The following RGL1 variants were observed in gnomAD, a reference collection of about 807,000 sequenced individuals.
RGL1 encodes ral guanine nucleotide dissociation stimulator like 1.
RGL1 carries 24 observed loss-of-function variants against 95.2 expected under a neutral mutation model. The observed-to-expected ratio is 0.25, with a 90% CI of 0.18 to 0.35. The LOEUF (loss-of-function observed/expected upper bound fraction) is 0.35, where lower values mean the gene tolerates loss of function less well. Ranked by LOEUF, RGL1 falls within the 10% of genes least tolerant of loss-of-function variation. RGL1 has a pLI of 1.00. For synonymous variants in RGL1, 329 were observed against 344.9 expected (o/e 0.95, Z 0.51); for missense variants, 715 against 936.3 (o/e 0.76, Z 3.08).
chr1:183,891,934 G>A, intron 8 of RGL1, 143 bp from the exon 9 acceptor site: 2 of 557,870 alleles, frequency 3.6e-6, no homozygotes, highest in Non-Finnish European at 3.2e-6. Flanking sequence ...AAAATCATGG[G>A]CCTTATCTGT....
intron 1 of RGL1, among the ~76,000 whole-genome samples, chr1:183,684,802 C>T (rs1324326713): frequency 1.3e-5 from 2 of 152,184 alleles, no homozygotes; most frequent in African/African-American, 4.8e-5. Context: ...CACTGTCCCT[C>T]ATGGCACAGT....
chr1:183,915,605 T>C (rs892358455), intron 15 of RGL1, among the ~76,000 whole-genome samples: 3 of 152,270 alleles, frequency 2.0e-5, no homozygotes, highest in African/African-American at 7.2e-5. Flanking sequence ...CAAGTCACTT[T>C]TATATTCTGA....
chr1:183,909,689 G>A (rs891486776), intron 14 of RGL1, among the ~76,000 whole-genome samples: 7 of 152,072 alleles, frequency 4.6e-5, no homozygotes, highest in South Asian at 2.1e-4. Flanking sequence ...ATATAATTCC[G>A]AAAATATTTA....
intron 1 of RGL1, among the ~76,000 whole-genome samples, chr1:183,652,598 C>T (rs997488785): frequency 2.6e-5 from 4 of 152,182 alleles, no homozygotes; most frequent in Non-Finnish European, 4.4e-5. Flanking sequence ...TCATTTTATT[C>T]TCCCCAACCA....
chr1:183,801,179 T>TGTGTGTGTG (rs367907447), upstream of RGL1, among the ~76,000 whole-genome samples: 39 of 126,174 alleles, frequency 3.1e-4, no homozygotes, highest in South Asian at 7.7e-4. Flanking sequence ...GTGTGTGTGT[T>TGTGTGTGTG]TAATAATGGC....
intron 2 of RGL1, among the ~76,000 whole-genome samples, chr1:183,816,140 G>T (rs1558224348): frequency 1.3e-5 from 2 of 151,928 alleles, no homozygotes. Flanking sequence ...TTATTCCTCG[G>T]GCTCCAACAT....
intron 2 of RGL1, among the ~76,000 whole-genome samples, chr1:183,799,641 T>A (rs1386303661): frequency 3.3e-5 from 5 of 152,224 alleles, no homozygotes; most frequent in Admixed American, 1.3e-4. Context: ...GTCTCATTTT[T>A]AAAATCAGGT....
At chr1:183,904,625 G>A (rs957658490) in intron 12 of RGL1, among the ~76,000 whole-genome samples, 4 of 152,112 alleles carry the variant, frequency 2.6e-5, no homozygotes, top group Non-Finnish European at 5.9e-5. Context: ...GAGAAAAGAG[G>A]ATTAAAAATT....
intron 4 of RGL1, among the ~76,000 whole-genome samples, chr1:183,868,020 A>G (rs1185995287): frequency 2.0e-5 from 3 of 152,228 alleles, no homozygotes; most frequent in African/African-American, 4.8e-5. Flanking sequence ...GTCAAGCACA[A>G]GGTACAGTGG....
At chr1:183,868,755 C>A (rs1665985762) in intron 4 of RGL1, among the ~76,000 whole-genome samples, 2 of 152,324 alleles carry the variant, frequency 1.3e-5, no homozygotes, top group Middle Eastern at 3.4e-3. Context: ...TATTTTGGAA[C>A]TCAGTCCAAT....
intron 13 of RGL1, among the ~76,000 whole-genome samples, chr1:183,905,241 T>C (rs918993453): frequency 1.3e-5 from 2 of 152,196 alleles, no homozygotes; most frequent in African/African-American, 4.8e-5. Context: ...TGCTCATCTG[T>C]AGAATGTTTG....
chr1:183,854,657 C>CT (rs925631529), intron 3 of RGL1, among the ~76,000 whole-genome samples: 9 of 151,130 alleles, frequency 6.0e-5, no homozygotes, highest in African/African-American at 1.9e-4. Flanking sequence ...TTTTTCCTGT[C>CT]TTTTTTTTTA....
chr1:183,908,998 T>G (rs1421035329), intron 14 of RGL1, among the ~76,000 whole-genome samples: 1 of 152,156 alleles, frequency 6.6e-6, no homozygotes, highest in Non-Finnish European at 1.5e-5. Context: ...ATGAAAACAT[T>G]TACTGTGAAA....
chr1:183,779,457 C>T (rs1261626574), intron 2 of RGL1, among the ~76,000 whole-genome samples: 3 of 152,034 alleles, frequency 2.0e-5, no homozygotes, highest in Non-Finnish European at 4.4e-5. Flanking sequence ...CCATGTTGGC[C>T]AGGCTGGTCT....
At chr1:183,875,448 T>A (rs952803492) in intron 4 of RGL1, among the ~76,000 whole-genome samples, 2 of 152,218 alleles carry the variant, frequency 1.3e-5, no homozygotes, top group African/African-American at 4.8e-5. Context: ...GCCTCAGCCC[T>A]CTCTGCATTG....
chr1:183,695,375 T>G (rs1003921874), intron 1 of RGL1, among the ~76,000 whole-genome samples: 2 of 152,258 alleles, frequency 1.3e-5, no homozygotes, highest in Admixed American at 6.5e-5. Flanking sequence ...CTATCACTAA[T>G]GAGAGACTGT....
chr1:183,851,486 A>G (rs1409720804), intron 3 of RGL1, among the ~76,000 whole-genome samples: 1 of 152,206 alleles, frequency 6.6e-6, no homozygotes, highest in Non-Finnish European at 1.5e-5. Context: ...AGGATCCCTC[A>G]GATTACATAT....
At chr1:183,875,477 G>A (rs1666437293) in intron 4 of RGL1, among the ~76,000 whole-genome samples, 1 of 152,146 alleles carries the variant, frequency 6.6e-6, no homozygotes, top group Non-Finnish European at 1.5e-5. Flanking sequence ...AAGATCGTGG[G>A]GTGGCTAGAA....
intron 2 of RGL1, among the ~76,000 whole-genome samples, chr1:183,743,645 A>G (rs1424390164): frequency 6.6e-6 from 1 of 152,254 alleles, no homozygotes; most frequent in South Asian, 2.1e-4. Context: ...TTAATTGATA[A>G]AGACAAATAG....
Sources: gnomAD v4.1 joint callset for allele counts (sites outside exome capture counted in the v4.1 genomes callset) on GRCh38, gnomAD v4.1.1 for gene constraint, MANE v1.5 for transcripts, NCBI Gene and HGNC (gene_info 2026-07-23, HGNC 2026-07-21) for gene names.